Variants in AKR1C4 observed in about 807,000 individuals in gnomAD.
The protein encoded by AKR1C4 is 3-alpha-HSD1.
Under a neutral mutation model 41.0 loss-of-function variants are expected in AKR1C4, and 44 were observed. The ratio of observed to expected loss-of-function variants is 1.07; its 90% CI spans 0.84 to 1.38. The LOEUF (loss-of-function observed/expected upper bound fraction) is 1.38, where lower values mean the gene tolerates loss of function less well. AKR1C4 is among the 40% of genes most tolerant of loss of function. AKR1C4 has a pLI of 0.00. For synonymous variants in AKR1C4, 165 were observed against 137.7 expected, an observed-to-expected ratio of 1.20 and a Z score of -1.39; for missense variants, 438 against 387.9, an observed-to-expected ratio of 1.13 and a Z score of -1.09.
At chr10:5,197,760 A>G (rs1320447916) in intron 1 of AKR1C4, among the ~76,000 whole-genome samples, 1 of 152,238 alleles carries the variant, frequency 6.6e-6, no homozygotes, top group Non-Finnish European at 1.5e-5. Flanking sequence ...AATTTGATCA[A>G]CTATACGTTG....
chr10:5,203,477 G>C (rs879999850), intron 2 of AKR1C4, among the ~76,000 whole-genome samples: 37 of 152,108 alleles, frequency 2.4e-4, no homozygotes, highest in Non-Finnish European at 4.7e-4. Context: ...TTTGGGCCTG[G>C]GTAGGGTTAA....
chr10:5,200,384 T>C (rs782054144), intron 2 of AKR1C4, 36 bp downstream of exon 2: 2 of 1,580,348 alleles, frequency 1.3e-6, no homozygotes, highest in South Asian at 2.4e-5. Flanking sequence ...TGCACATGTG[T>C]TTAATGGGAT....
intron 5 of AKR1C4, among the ~76,000 whole-genome samples, chr10:5,208,597 C>T (rs1337141121): frequency 6.6e-6 from 1 of 151,564 alleles, no homozygotes; most frequent in Non-Finnish European, 1.5e-5. Flanking sequence ...CAATTCACCT[C>T]TACAGACCTT....
At chr10:5,216,878 G>A (rs1832664904) in intron 8 of AKR1C4, 85 bp downstream of exon 8, 2 of 877,186 alleles carry the variant, frequency 2.3e-6, no homozygotes. Flanking sequence ...TCAATACCAG[G>A]GAGACAGAGG....
intron 7 of AKR1C4, among the ~76,000 whole-genome samples, chr10:5,214,217 T>C (rs1381284703): frequency 6.6e-6 from 1 of 152,178 alleles, no homozygotes; most frequent in Non-Finnish European, 1.5e-5. Context: ...GAAAAGTCCA[T>C]ATTTGCTCAC....
chr10:5,200,854 A>G (rs778395680), intron 2 of AKR1C4, among the ~76,000 whole-genome samples: 86 of 152,156 alleles, frequency 5.7e-4, no homozygotes, highest in Non-Finnish European at 3.4e-4. Flanking sequence ...GTGAGAATGT[A>G]CAGTGTTTGG....
intron 2 of AKR1C4, among the ~76,000 whole-genome samples, chr10:5,202,853 G>C (rs533286448): frequency 2.5e-4 from 38 of 151,430 alleles, no homozygotes; most frequent in Non-Finnish European, 4.4e-4. Context: ...ATATATTTTT[G>C]ATGTGCTGAT....
intron 8 of AKR1C4, among the ~76,000 whole-genome samples, chr10:5,217,907 T>C (rs1554798702): frequency 6.6e-6 from 1 of 152,224 alleles, no homozygotes. Context: ...AAACAAGTTA[T>C]GTCACTGCCT....
intron 5 of AKR1C4, among the ~76,000 whole-genome samples, chr10:5,211,714 T>A (rs148617666): frequency 6.6e-6 from 1 of 152,342 alleles, no homozygotes; most frequent in East Asian, 1.9e-4. Flanking sequence ...CAGGTATCTA[T>A]CTTTCAACAA....
In AKR1C4 at chr10:5,205,754, C is replaced by G; in HGVS notation, c.370-3C>G. ...GACACTAAAGTGACTGCTTCTACTT[C>G]AGCCAGGTGAGACGCCACTACCAAA... On this transcript the variant is annotated splice_polypyrimidine_tract_variant and splice_region_variant and intron_variant, in intron 3 of 8. Transcript: ENST00000263126. The G allele has an allele frequency of 2.5e-6, 4 of 1,612,382 alleles. No homozygotes were observed. The highest frequency in any genetic ancestry group is 3.4e-6 in the Non-Finnish European group (4 of 1,178,958).
At chr10:5,215,676 G>A (rs1328870147) in intron 7 of AKR1C4, among the ~76,000 whole-genome samples, 2 of 152,192 alleles carry the variant, frequency 1.3e-5, no homozygotes, top group Non-Finnish European at 2.9e-5. Context: ...ATGCAGTCAA[G>A]TTCTTTCGTA....
At chr10:5,211,961 A>G (rs1158037135) in intron 5 of AKR1C4, among the ~76,000 whole-genome samples, 2 of 152,290 alleles carry the variant, frequency 1.3e-5, no homozygotes, top group South Asian at 2.1e-4. Flanking sequence ...CTTATTCACT[A>G]TCATGAGAAC....
At chr10:5,210,158 G>T (rs1321262013) in intron 5 of AKR1C4, among the ~76,000 whole-genome samples, 3 of 152,130 alleles carry the variant, frequency 2.0e-5, no homozygotes, top group Admixed American at 2.0e-4. Context: ...CTGAAATCCA[G>T]CAGGGCAAAT....
intron 5 of AKR1C4, among the ~76,000 whole-genome samples, chr10:5,206,628 G>A (rs1237577937): frequency 1.3e-5 from 2 of 152,136 alleles, no homozygotes; most frequent in Non-Finnish European, 1.5e-5. Context: ...TATTTTTGGG[G>A]GAGGTGAATT....
At chr10:5,200,156 A>AT in intron 1 of AKR1C4, 25 bp from the exon 2 acceptor site, 1 of 1,601,590 alleles carries the variant, frequency 6.2e-7, no homozygotes, top group Non-Finnish European at 8.5e-7. Context: ...TGATCACCAA[A>AT]TACTACCTTT....
rs782439273 is a variant in AKR1C4, at chr10:5,204,445, A to G, written c.321A>G (p.Gln107=). The G allele has an allele frequency of 5.0e-6, 8 of 1,613,930 alleles. No individual in the cohort carries two copies. Among genetic ancestry groups the G allele is most frequent in the African/African-American group, 2.7e-5 (2 of 74,920 alleles). Residue 107 remains glutamine, a synonymous_variant, in exon 3 of 9, where the codon CAA becomes CAG. Coordinates refer to ENST00000263126, the MANE Select transcript of AKR1C4 (RefSeq NM_001818.5). The part of the protein sequence containing the change: ...PALESSLKKL[Q]LDYVDLYLLH... ...TGGAAAGCTCACTGAAAAAACTTCA[A>G]CTGGACTATGTTGACCTCTATCTTC...
intron 5 of AKR1C4, chr10:5,207,710 TAATG>T (rs2132132280): frequency 1.7e-6 from 1 of 594,632 alleles, no homozygotes; most frequent in South Asian, 1.5e-5. Context: ...CATGATGTGA[TAATG>T]AAGAGAAAAA....
At chr10:5,212,121 G>A (rs183229169) in intron 5 of AKR1C4, among the ~76,000 whole-genome samples, 1 of 152,252 alleles carries the variant, frequency 6.6e-6, no homozygotes, top group Non-Finnish European at 1.5e-5. Flanking sequence ...AAATACTTTT[G>A]ATCACTCTGT....
At chr10:5,200,466 TCA>T (rs1832383265) in intron 2 of AKR1C4, 118 bp downstream of exon 2, 4 of 1,449,282 alleles carry the variant, frequency 2.8e-6, no homozygotes, top group Admixed American at 4.9e-5. Context: ...TCCAATTTAT[TCA>T]CACATATTCA....
Sources: gnomAD v4.1 joint callset for allele counts (sites outside exome capture counted in the v4.1 genomes callset) on GRCh38, gnomAD v4.1.1 for gene constraint, MANE v1.5 for transcripts, NCBI Gene and HGNC (gene_info 2026-07-23, HGNC 2026-07-21) for gene names.